Variants in SLC22A23 observed in about 807,000 individuals in gnomAD.
The protein encoded by SLC22A23 is ion transporter protein.
In SLC22A23, 26 loss-of-function variants were observed where a neutral mutation model predicts 61.0. That is an observed-to-expected ratio of 0.43 (90% CI 0.31 to 0.59). The LOEUF (loss-of-function observed/expected upper bound fraction) is 0.59, where lower values mean the gene tolerates loss of function less well. SLC22A23 is among the 20% of genes least tolerant of loss of function. The pLI, the probability that SLC22A23 is intolerant of heterozygous loss-of-function variation, is 0.11. For synonymous variants in SLC22A23, 430 were observed against 413.9 expected (o/e 1.04, Z -0.47); for missense variants, 796 against 934.7 (o/e 0.85, Z 1.94).
intron 3 of SLC22A23, among the ~76,000 whole-genome samples, chr6:3,373,852 T>C (rs1487624631): frequency 2.0e-5 from 3 of 152,162 alleles, no homozygotes; most frequent in African/African-American, 7.2e-5. Context: ...ATGATGGCAG[T>C]AACAGTGAAC....
intron 3 of SLC22A23, among the ~76,000 whole-genome samples, chr6:3,326,959 G>A (rs867516611): frequency 7.2e-5 from 11 of 152,156 alleles, no homozygotes; most frequent in Non-Finnish European, 1.0e-4. Flanking sequence ...CTTGAGTCCC[G>A]GCATCCATCA....
rs548783210 is a variant in SLC22A23 at position 3,409,451 on chromosome 6, G to T, written c.913+737C>A. On this transcript the variant is annotated intron_variant, in intron 3 of 9. Transcript: ENST00000406686. ...TCTATACCTGACTCCTGTGCGTGTGGTCAAAGAAAGAGAAAAAGACAAAAT... is the reference window on the plus strand; with the variant it reads ...TCTATACCTGACTCCTGTGCGTGTGTTCAAAGAAAGAGAAAAAGACAAAAT... 2.9e-4 allele frequency among the ~76,000 whole-genome samples: 44 copies of T among 152,272 alleles called. No individual in the cohort carries two copies. The East Asian group carries it at 7.9e-3, about 27-fold the overall frequency.
intron 3 of SLC22A23, among the ~76,000 whole-genome samples, chr6:3,336,295 C>T (rs1169547403): frequency 1.3e-5 from 2 of 152,172 alleles, no homozygotes; most frequent in Non-Finnish European, 1.5e-5. Flanking sequence ...CCATGCCACG[C>T]CCACATTGTT....
At chr6:3,343,175 G>A (rs754938897) in intron 3 of SLC22A23, among the ~76,000 whole-genome samples, 8 of 152,274 alleles carry the variant, frequency 5.3e-5, no homozygotes, top group Non-Finnish European at 1.0e-4. Context: ...GCATCTGCTG[G>A]TTCTCAAATG....
chr6:3,289,910 A>G, intron 5 of SLC22A23, 44 bp from the exon 6 acceptor site: 3 of 1,542,230 alleles, frequency 1.9e-6, no homozygotes, highest in Non-Finnish European at 2.7e-6. Flanking sequence ...GGCCGCCCAC[A>G]GAGGACAGGA....
intron 3 of SLC22A23, among the ~76,000 whole-genome samples, chr6:3,370,506 A>T (rs1766145249): frequency 1.3e-5 from 2 of 152,250 alleles, no homozygotes; most frequent in Admixed American, 6.5e-5. Context: ...ACAGATACAC[A>T]CACAGCCCTT....
At chr6:3,388,010 C>G (rs1189470646) in intron 3 of SLC22A23, among the ~76,000 whole-genome samples, 1 of 152,138 alleles carries the variant, frequency 6.6e-6, no homozygotes, top group Non-Finnish European at 1.5e-5. Flanking sequence ...CACCAGTTAT[C>G]CTAAAATCAA....
At chr6:3,284,287 G>A (rs1759760492) in intron 8 of SLC22A23, among the ~76,000 whole-genome samples, 1 of 152,196 alleles carries the variant, frequency 6.6e-6, no homozygotes, top group Non-Finnish European at 1.5e-5. Flanking sequence ...TGGTGCCACA[G>A]CGACATCCCT....
At position 3,288,895 on chromosome 6, in the gene SLC22A23, A is replaced by C. The variant is rs74866736; in HGVS notation, c.1313+869T>G. On this transcript the variant is annotated intron_variant, in intron 6 of 9. Transcript: ENST00000406686. The stretch of plus-strand genomic sequence containing the variant: ...CAGTAGAGCCTCTTGTACTCCTCAC[A>C]AATCAATTTCAACCCAGAACCCCAA... Among the ~76,000 whole-genome samples, 147 of 152,334 alleles carry C rather than the reference A, an allele frequency of 9.6e-4. 1 individual carries two copies. In the East Asian group the frequency reaches 0.027, roughly 28 times the overall value.
At chr6:3,323,420 C>T in intron 4 of SLC22A23, 2 of 441,224 alleles carry the variant, frequency 4.5e-6, no homozygotes, top group East Asian at 6.9e-5. Context: ...GCCCACCCCT[C>T]GCCTAGAAGA....
In SLC22A23 at chr6:3,360,156, GA is replaced by G. The variant is rs1765346465; in HGVS notation, c.914-36155del. Among the ~76,000 whole-genome samples, 1 of 152,190 alleles carries G rather than the reference GA, an allele frequency of 6.6e-6. No individual in the cohort carries two copies. Among genetic ancestry groups the G allele is most frequent in the African/African-American group, 2.4e-5 (1 of 41,438 alleles). On this transcript the variant is annotated intron_variant, in intron 3 of 9. Transcript: ENST00000406686. The surrounding 1 kb of genome is among the most constrained non-coding windows in gnomAD (Gnocchi z 4.6). ...GGGGACAGAGTTTGTTTGGGAAGATGAAAAGACCTCTAGAGATGAAGGGTGG... is the reference window on the plus strand; with the variant it reads ...GGGGACAGAGTTTGTTTGGGAAGATGAAAGACCTCTAGAGATGAAGGGTGG...
Position 3,273,035 on chromosome 6 carries a change from C to T in SLC22A23, c.*20G>A. 5.3e-6 allele frequency: 8 copies of T among 1,520,070 alleles called. No homozygotes were observed. The highest frequency in any genetic ancestry group is 1.3e-5 in the South Asian group (1 of 79,100). The allele number at this position is 1,520,070 out of a possible 1,614,324, so 94.2% of individuals were successfully genotyped here. On this transcript the variant is annotated 3_prime_UTR_variant, in exon 10 of 10. Transcript: ENST00000406686. ...CCCAAGCTGCCCCAGACCCTGGAGCCCCGGGTTCCGCAGGCCGGGCTACAT... is the reference window on the plus strand; with the variant it reads ...CCCAAGCTGCCCCAGACCCTGGAGCTCCGGGTTCCGCAGGCCGGGCTACAT...
intron 1 of SLC22A23, among the ~76,000 whole-genome samples, chr6:3,430,264 C>T (rs1025483999): frequency 7.2e-5 from 11 of 152,134 alleles, no homozygotes; most frequent in African/African-American, 2.7e-4. Flanking sequence ...TCTCCGCTGG[C>T]AGTGAGACGT....
intron 3 of SLC22A23, among the ~76,000 whole-genome samples, chr6:3,355,658 C>G (rs1172942342): frequency 1.3e-5 from 2 of 152,136 alleles, no homozygotes; most frequent in Non-Finnish European, 2.9e-5. Context: ...GGCTCCAGAG[C>G]TAGGCCACTT....
chr6:3,276,123 G>A (rs1261858604), intron 9 of SLC22A23, among the ~76,000 whole-genome samples: 4 of 152,252 alleles, frequency 2.6e-5, no homozygotes, highest in Admixed American at 2.0e-4. Flanking sequence ...GTGTGTGTGT[G>A]TGTGTTGGGG....
chr6:3,324,277 A>T lies in SLC22A23; in HGVS notation c.914-275T>A, dbSNP rs866112153. 8.5e-5 allele frequency: 39 copies of T among 460,132 alleles called. 1 individual carries two copies. The South Asian group carries it at 9.5e-4, about 11-fold the overall frequency. 28.5% of individuals were successfully genotyped at this position (460,132 alleles called of 1,614,324 possible). ...AGAGGAGCTTAGCTCAGAAACCAGG[A>T]AATGGTACTGCCTATGGGACAGATC... On this transcript the variant is annotated intron_variant, in intron 3 of 9. Transcript: ENST00000406686. This position sits in a 1 kb window ranked among gnomAD's most constrained non-coding sequence, Gnocchi z 4.3.
chr6:3,298,700 CG>C lies in SLC22A23; in HGVS notation c.1083-483del, dbSNP rs145287028. 7.3e-3 allele frequency among the ~76,000 whole-genome samples: 1,105 copies of C among 152,264 alleles called. 16 individuals carry two copies. The highest frequency in any genetic ancestry group is 0.025 in the African/African-American group (1,031 of 41,532). On this transcript the variant is annotated intron_variant, in intron 4 of 9. Coordinates refer to ENST00000406686, the MANE Select transcript of SLC22A23 (RefSeq NM_015482.2). ...GATGTTAAATGTTCCCGGCCGGGCG[CG>C]GTGGCTCACGCCTGTAATCCCAGCA...
chr6:3,297,844 G>A lies in SLC22A23; in HGVS notation c.1210+247C>T, dbSNP rs957385912. Among the ~76,000 whole-genome samples, 1 of 152,194 alleles carries A rather than the reference G, an allele frequency of 6.6e-6. No individual in the cohort carries two copies. The highest frequency in any genetic ancestry group is 6.5e-5 in the Admixed American group (1 of 15,290). ...TTGAGCAGTGTATATTGGGCTCATG[G>A]CTCGCTTCTGCATTTAGACAGGAGA... On this transcript the variant is annotated intron_variant, in intron 5 of 9. Transcript: ENST00000406686. This position sits in a 1 kb window ranked among gnomAD's most constrained non-coding sequence, Gnocchi z 4.3.
Position 3,274,525 on chromosome 6 carries a change from G to A in SLC22A23, c.1704-1113C>T, listed in dbSNP as rs1013515210. ...AGGGCTGTATCCTTTGAACTGCTGA[G>A]GCTGAGTGGGCTGAAAGGGAGGTCC... On this transcript the variant is annotated intron_variant, in intron 9 of 9. Transcript: ENST00000406686. Among the ~76,000 whole-genome samples the A allele has an allele frequency of 3.3e-5, 5 of 152,208 alleles. No homozygotes were observed. The South Asian group carries it at 8.3e-4, about 25-fold the overall frequency.
Sources: gnomAD v4.1 joint callset for allele counts (sites outside exome capture counted in the v4.1 genomes callset) on GRCh38, gnomAD v4.1.1 for gene constraint, Gnocchi (gnomAD v3.1) non-coding constraint, MANE v1.5 for transcripts, NCBI Gene and HGNC (gene_info 2026-07-23, HGNC 2026-07-21) for gene names.